Variants in PDE7B observed in about 807,000 individuals in gnomAD.
PDE7B encodes the protein phosphodiesterase 7B, also known as 3',5'-cyclic-AMP phosphodiesterase 7B.
In PDE7B, 29 loss-of-function variants were observed where a neutral mutation model predicts 56.2. That is an observed-to-expected ratio of 0.52 (90% CI 0.38 to 0.70). The LOEUF is 0.70. Among genes scored for constraint, PDE7B ranks in the 30% least tolerant of loss-of-function variants. PDE7B has a pLI of 0.00. For missense variants in PDE7B, 490 were observed against 565.0 expected, an observed-to-expected ratio of 0.87 and a Z score of 1.35; for synonymous variants, 197 against 196.9, an observed-to-expected ratio of 1.00 and a Z score of 0.00.
intron 2 of PDE7B, among the ~76,000 whole-genome samples, chr6:135,969,742 C>T (rs1474809081): frequency 1.3e-5 from 2 of 152,066 alleles, no homozygotes; most frequent in Admixed American, 1.3e-4. Context: ...ACATCAAAAG[C>T]CAAAATTGAC....
intron 1 of PDE7B, among the ~76,000 whole-genome samples, chr6:135,945,846 G>A (rs531728507): frequency 5.6e-4 from 85 of 152,186 alleles, no homozygotes; most frequent in Non-Finnish European, 1.0e-3. Context: ...GAAGACAGGT[G>A]CAGAGATGTA....
intron 2 of PDE7B, among the ~76,000 whole-genome samples, chr6:135,990,098 G>GTTTTTTTTT (rs34915536): frequency 7.3e-6 from 1 of 137,808 alleles, no homozygotes; most frequent in Non-Finnish European, 1.6e-5. Flanking sequence ...GGGTTTTTTT[G>GTTTTTTTTT]TTTTTTTTTT....
intron 2 of PDE7B, among the ~76,000 whole-genome samples, chr6:136,011,199 A>G (rs1242196540): frequency 6.6e-6 from 1 of 152,136 alleles, no homozygotes; most frequent in Non-Finnish European, 1.5e-5. Flanking sequence ...AAAAGACTTT[A>G]TTTTCCTTTC....
At chr6:136,190,139 AATG>A (rs1296899473) in intron 12 of PDE7B, among the ~76,000 whole-genome samples, 1 of 152,216 alleles carries the variant, frequency 6.6e-6, no homozygotes, top group Non-Finnish European at 1.5e-5. Flanking sequence ...TTTGAAGGTG[AATG>A]ATATTAGAAA....
chr6:135,884,669 T>C (rs1025397330), intron 1 of PDE7B, among the ~76,000 whole-genome samples: 1 of 152,230 alleles, frequency 6.6e-6, no homozygotes, highest in African/African-American at 2.4e-5. Context: ...TCTCTTGTTC[T>C]TGGGGACACC....
At chr6:135,972,170 G>T (rs1307301911) in intron 2 of PDE7B, among the ~76,000 whole-genome samples, 1 of 141,540 alleles carries the variant, frequency 7.1e-6, no homozygotes, top group African/African-American at 2.6e-5. Context: ...GGAGGCAGAG[G>T]TTGCAGTGAG....
At chr6:136,037,281 C>T (rs1007133169) in intron 2 of PDE7B, 15 of 302,780 alleles carry the variant, frequency 5.0e-5, no homozygotes, top group African/African-American at 1.8e-4. Context: ...ACTGCCCATA[C>T]GCATGAGGAT....
At chr6:135,976,062 C>A (rs79445137) in intron 2 of PDE7B, among the ~76,000 whole-genome samples, 4,648 of 152,154 alleles carry the variant, frequency 0.031, 212 homozygotes, top group African/African-American at 0.099. Context: ...GACCTGCAGC[C>A]GATACCACAG....
chr6:136,055,273 G>A (rs555407817), intron 2 of PDE7B, among the ~76,000 whole-genome samples: 65 of 152,324 alleles, frequency 4.3e-4, no homozygotes, highest in Middle Eastern at 3.4e-3. Context: ...GAGTGAGAAG[G>A]GCAGGGAGAT....
At chr6:135,871,864 T>C (rs1285144065) in intron 1 of PDE7B, among the ~76,000 whole-genome samples, 1 of 145,330 alleles carries the variant, frequency 6.9e-6, no homozygotes, top group Non-Finnish European at 1.5e-5. Flanking sequence ...TTAACTATTG[T>C]TTATTATTAT....
chr6:135,874,005 G>C (rs1356099079), intron 1 of PDE7B, among the ~76,000 whole-genome samples: 1 of 152,158 alleles, frequency 6.6e-6, no homozygotes, highest in Non-Finnish European at 1.5e-5. Flanking sequence ...GATGGTGGTT[G>C]CTGATGATTG....
At chr6:136,009,007 T>A (rs967699649) in intron 2 of PDE7B, among the ~76,000 whole-genome samples, 3 of 151,216 alleles carry the variant, frequency 2.0e-5, no homozygotes, top group Admixed American at 2.0e-4. Flanking sequence ...GAATTAATTT[T>A]TATATAAGGT....
At chr6:136,057,000 GGCCCT>G (rs1296102471) in intron 2 of PDE7B, among the ~76,000 whole-genome samples, 1 of 152,112 alleles carries the variant, frequency 6.6e-6, no homozygotes, top group Non-Finnish European at 1.5e-5. Context: ...GGAGCCCAAT[GGCCCT>G]GTATCTTTAC....
At chr6:136,024,579 C>A (rs1776121843) in intron 2 of PDE7B, among the ~76,000 whole-genome samples, 1 of 152,088 alleles carries the variant, frequency 6.6e-6, no homozygotes, top group Non-Finnish European at 1.5e-5. Flanking sequence ...GCCAGCTCCA[C>A]AGAGAAGGGA....
chr6:135,943,394 G>A (rs931911500), intron 1 of PDE7B, among the ~76,000 whole-genome samples: 2 of 152,142 alleles, frequency 1.3e-5, no homozygotes, highest in African/African-American at 4.8e-5. Flanking sequence ...CTACTAGATG[G>A]CAATTCTTGC....
At chr6:136,008,743 C>G (rs1775834006) in intron 2 of PDE7B, among the ~76,000 whole-genome samples, 1 of 152,030 alleles carries the variant, frequency 6.6e-6, no homozygotes, top group South Asian at 2.1e-4. Context: ...AGCCCTTTGT[C>G]AGATGAGTAG....
intron 2 of PDE7B, among the ~76,000 whole-genome samples, chr6:136,087,115 A>T (rs1339801290): frequency 6.6e-6 from 1 of 152,230 alleles, no homozygotes; most frequent in Non-Finnish European, 1.5e-5. Flanking sequence ...GAGGAGAGAA[A>T]CATCTTTCTC....
intron 1 of PDE7B, among the ~76,000 whole-genome samples, chr6:135,878,664 G>T (rs1775546389): frequency 6.6e-6 from 1 of 152,108 alleles, no homozygotes; most frequent in Admixed American, 6.6e-5. Flanking sequence ...ACTGATATTT[G>T]TGAAATCTGC....
At chr6:135,949,515 C>T (rs958553718) in intron 2 of PDE7B, among the ~76,000 whole-genome samples, 3 of 152,030 alleles carry the variant, frequency 2.0e-5, no homozygotes, top group African/African-American at 4.8e-5. Context: ...TTTTATGTTG[C>T]TACCACTGTC....
Sources: gnomAD v4.1 joint callset for allele counts (sites outside exome capture counted in the v4.1 genomes callset) on GRCh38, gnomAD v4.1.1 for gene constraint, MANE v1.5 for transcripts, NCBI Gene and HGNC (gene_info 2026-07-23, HGNC 2026-07-21) for gene names.